LYPLAL1: variants seen among roughly 807,000 people sequenced by gnomAD.
The protein encoded by LYPLAL1 is lysophospholipase-like protein 1.
A neutral mutation model predicts 19.7 loss-of-function variants in LYPLAL1; 23 were observed. The observed-to-expected ratio is 1.17, with a 90% confidence interval of 0.84 to 1.65. The LOEUF (loss-of-function observed/expected upper bound fraction) is 1.65, where lower values mean the gene tolerates loss of function less well. LYPLAL1 is among the 40% of genes most tolerant of loss of function. The pLI, the probability that LYPLAL1 is intolerant of heterozygous loss-of-function variation, is 0.00. For missense variants in LYPLAL1, 355 were observed against 279.4 expected, an observed-to-expected ratio of 1.27 and a Z score of -1.93; for synonymous variants, 119 against 96.3, an observed-to-expected ratio of 1.24 and a Z score of -1.38.
the LYPLAL1 span, among the ~76,000 whole-genome samples, chr1:219,256,082 A>G: frequency 4.6e-5 from 7 of 151,920 alleles, no homozygotes; most frequent in East Asian, 1.4e-3. Flanking sequence ...TAACTGCATC[A>G]TAAAGTGAGT....
the LYPLAL1 span, among the ~76,000 whole-genome samples, chr1:219,325,924 G>A: frequency 2.0e-3 from 307 of 152,178 alleles, no homozygotes; most frequent in Middle Eastern, 3.4e-3. Flanking sequence ...GTTATTTGTA[G>A]GTAAAGTAGG....
At chr1:219,322,985 A>G in the LYPLAL1 span, among the ~76,000 whole-genome samples, 1 of 152,206 alleles carries the variant, frequency 6.6e-6, no homozygotes, top group Non-Finnish European at 1.5e-5. Context: ...CTGGTGTGAA[A>G]TGCAAGACTT....
the LYPLAL1 span, among the ~76,000 whole-genome samples, chr1:219,258,100 T>C: frequency 6.6e-6 from 1 of 152,116 alleles, no homozygotes; most frequent in Non-Finnish European, 1.5e-5. Context: ...TCAGACCTTA[T>C]GGTTGTCTTC....
the LYPLAL1 span, among the ~76,000 whole-genome samples, chr1:219,337,848 T>C: frequency 6.6e-6 from 1 of 152,002 alleles, no homozygotes; most frequent in Admixed American, 6.6e-5. Flanking sequence ...AAAATACTTA[T>C]TAACTCACTA....
At chr1:219,377,687 C>G in the LYPLAL1 span, among the ~76,000 whole-genome samples, 1 of 151,926 alleles carries the variant, frequency 6.6e-6, no homozygotes, top group Non-Finnish European at 1.5e-5. Context: ...TATTGTAAAT[C>G]AAATTATTAT....
chr1:219,210,534 G>A lies in LYPLAL1; in HGVS notation c.364G>A (p.Gly122Arg), dbSNP rs752089046. ...TTTAAGTATGTTTTTGTTTTTAGGA[G>A]GATTCTCTATGGGAGGATGCATGGC... ...GIKKNRILIG[G>R]FSMGGCMAIH... Residue 122 changes from glycine (G) to arginine (R), a missense_variant and splice_region_variant, in exon 4 of 5, where the codon GGA becomes AGA. Transcript: ENST00000366928. 3.8e-6 allele frequency: 6 copies of A among 1,577,256 alleles called. No individual in the cohort carries two copies. The Admixed American group carries it at 7.0e-5, about 18-fold the overall frequency.
the LYPLAL1 span, among the ~76,000 whole-genome samples, chr1:219,345,525 T>C: frequency 1.3e-5 from 2 of 152,184 alleles, no homozygotes; most frequent in African/African-American, 4.8e-5. Flanking sequence ...TAATTAAATA[T>C]CCAGAGAAAT....
chr1:219,299,480 A>G, the LYPLAL1 span, among the ~76,000 whole-genome samples: 1 of 152,206 alleles, frequency 6.6e-6, no homozygotes, highest in Admixed American at 6.5e-5. Context: ...AAGTGAGAGC[A>G]TGAATACTGG....
At chr1:219,405,770 A>C in the LYPLAL1 span, among the ~76,000 whole-genome samples, 1 of 152,220 alleles carries the variant, frequency 6.6e-6, no homozygotes, top group Non-Finnish European at 1.5e-5. Context: ...AGGCAGCATC[A>C]AAGACCTTCC....
the LYPLAL1 span, among the ~76,000 whole-genome samples, chr1:219,332,822 G>GCCC: frequency 6.4e-5 from 8 of 125,724 alleles, no homozygotes; most frequent in South Asian, 2.9e-4. Context: ...CTGATTTTCT[G>GCCC]CCCCCCCCCC....
chr1:219,201,837 G>C (rs1203468442), intron 3 of LYPLAL1, among the ~76,000 whole-genome samples: 1 of 152,126 alleles, frequency 6.6e-6, no homozygotes, highest in Non-Finnish European at 1.5e-5. Flanking sequence ...AAACATTAGT[G>C]CTATTACCCC....
At chr1:219,306,837 T>TAGACAGAC in the LYPLAL1 span, among the ~76,000 whole-genome samples, 4 of 128,938 alleles carry the variant, frequency 3.1e-5, no homozygotes, top group African/African-American at 1.2e-4. Context: ...GATAGATAGA[T>TAGACAGAC]AGATAGATAG....
At chr1:219,336,520 C>T in the LYPLAL1 span, among the ~76,000 whole-genome samples, 3 of 151,898 alleles carry the variant, frequency 2.0e-5, no homozygotes, top group Admixed American at 6.6e-5. Context: ...CCAATACCAA[C>T]ACTGTTGCCA....
intron 2 of LYPLAL1, among the ~76,000 whole-genome samples, chr1:219,191,854 G>A (rs1323021001): frequency 2.0e-5 from 3 of 151,548 alleles, no homozygotes; most frequent in Non-Finnish European, 3.0e-5. Flanking sequence ...TTTAGAAAAT[G>A]TGTTACAAAG....
At chr1:219,289,078 G>GTTTTTTTTTT in the LYPLAL1 span, among the ~76,000 whole-genome samples, 80 of 114,798 alleles carry the variant, frequency 7.0e-4, 1 homozygote, top group East Asian at 1.0e-3. Flanking sequence ...CTCTTGTTTT[G>GTTTTTTTTTT]TTTTTTTTGT....
the LYPLAL1 span, among the ~76,000 whole-genome samples, chr1:219,444,303 A>G: frequency 1.3e-5 from 2 of 152,114 alleles, no homozygotes; most frequent in Non-Finnish European, 2.9e-5. Context: ...CCAAACAACA[A>G]CTGCCTATTT....
In LYPLAL1 at chr1:219,211,646, A is replaced by G. The variant is rs991486290; in HGVS notation, c.632A>G (p.His211Arg). 39 of 1,613,360 alleles carry G rather than the reference A, an allele frequency of 2.4e-5. No homozygotes were observed. The highest frequency in any genetic ancestry group is 2.6e-5 in the Non-Finnish European group (31 of 1,179,584). Residue 211 changes from histidine (H) to arginine (R), a missense_variant, in exon 5 of 5, where the codon CAT (histidine) becomes CGT (arginine). Transcript: ENST00000366928. ...TKFHSFPNVYHELSKTELDIL... is the reference protein window; with the variant it reads ...TKFHSFPNVYRELSKTELDIL... ...TTTCATAGTTTTCCAAATGTTTACC[A>G]TGAGCTAAGCAAAACTGAGTTAGAC...
chr1:219,217,632 T>C (rs953223512), downstream of LYPLAL1, among the ~76,000 whole-genome samples: 3 of 152,066 alleles, frequency 2.0e-5, no homozygotes, highest in Non-Finnish European at 4.4e-5. Context: ...CACCTTGAGA[T>C]GGTGATTGCC....
At chr1:219,418,432 A>G in the LYPLAL1 span, among the ~76,000 whole-genome samples, 2 of 152,192 alleles carry the variant, frequency 1.3e-5, no homozygotes, top group East Asian at 3.9e-4. Flanking sequence ...ATTCTAGCCC[A>G]TCCTAGTGGT....
Sources: gnomAD v4.1 joint callset for allele counts (sites outside exome capture counted in the v4.1 genomes callset) on GRCh38, gnomAD v4.1.1 for gene constraint, MANE v1.5 for transcripts, NCBI Gene and HGNC (gene_info 2026-07-23, HGNC 2026-07-21) for gene names.